Variants in CNTRL observed in about 807,000 individuals in gnomAD.
CNTRL encodes the protein centriolin.
In CNTRL, 233 loss-of-function variants were observed where a neutral mutation model predicts 303.7. That is an observed-to-expected ratio of 0.77 (90% CI 0.69 to 0.86). The LOEUF is 0.86. Ranked by LOEUF, CNTRL falls within the 40% of genes least tolerant of loss-of-function variation. The pLI is 0.00. For synonymous variants in CNTRL, 900 were observed against 922.2 expected, an observed-to-expected ratio of 0.98 and a Z score of 0.44; for missense variants, 2,524 against 2,650.6, an observed-to-expected ratio of 0.95 and a Z score of 1.05.
chr9:121,168,220 A>G lies in CNTRL; in HGVS notation c.5969A>G (p.Asp1990Gly), dbSNP rs759530268. ...KELTDQKSKLDQVLSKVLAAE... is the reference protein window; with the variant it reads ...KELTDQKSKLGQVLSKVLAAE... ...TTAACAGACCAGAAAAGCAAACTGG[A>G]CCAAGTGCTCTCAAAGGTGCTGGCA... The change falls in exon 38 of 44, where the codon GAC (aspartate) becomes GGC (glycine). Residue 1990 changes from aspartate to glycine, a missense_variant. Coordinates refer to ENST00000373855, the MANE Select transcript of CNTRL (RefSeq NM_007018.6). 3 of 1,614,064 alleles carry G rather than the reference A, an allele frequency of 1.9e-6. No individual in the cohort carries two copies. In the Admixed American group the frequency reaches 5.0e-5, roughly 27 times the overall value.
At chr9:121,078,282 C>T (rs1448227019) in intron 1 of CNTRL, among the ~76,000 whole-genome samples, 4 of 152,134 alleles carry the variant, frequency 2.6e-5, no homozygotes, top group Non-Finnish European at 5.9e-5. Flanking sequence ...GTGCTGTGCA[C>T]CTGTAATCCC....
Position 121,167,539 on chromosome 9 carries a change from C to T in CNTRL, c.5706C>T (p.Thr1902=). Residue 1902 remains threonine, a synonymous_variant, in exon 37 of 44, where the codon ACC becomes ACT. Coordinates refer to ENST00000373855, the MANE Select transcript of CNTRL (RefSeq NM_007018.6). ...AGGATGTGTTGCTCAGTGAGCAGACCCGACTCCAGAAGGACATCAGTGAAT... is the reference window on the plus strand; with the variant it reads ...AGGATGTGTTGCTCAGTGAGCAGACTCGACTCCAGAAGGACATCAGTGAAT... ...KHQDVLLSEQ[T]RLQKDISEWA... is the part of the protein sequence containing the mutation. The T allele has an allele frequency of 6.2e-7, 1 of 1,613,954 alleles. No individual in the cohort carries two copies. Among genetic ancestry groups the T allele is most frequent in the Non-Finnish European group, 8.5e-7 (1 of 1,179,984 alleles).
At position 121,139,805 on chromosome 9, in the gene CNTRL, A is replaced by G. The variant is rs547183932; in HGVS notation, c.2338-836A>G. ...CTGGAATATTTTAAAGAAAAATTTC[A>G]TACATCTTTCTTTCACCTGCAAATA... On this transcript the variant is annotated intron_variant, in intron 16 of 43. Coordinates refer to ENST00000373855, the MANE Select transcript of CNTRL (RefSeq NM_007018.6). Among the ~76,000 whole-genome samples the G allele has an allele frequency of 2.6e-5, 4 of 152,354 alleles. No homozygotes were observed. The South Asian group carries it at 8.3e-4, about 32-fold the overall frequency.
intron 3 of CNTRL, 113 bp from the exon 4 acceptor site, chr9:121,090,162 T>G: frequency 1.3e-6 from 1 of 749,166 alleles, no homozygotes; most frequent in Non-Finnish European, 2.0e-6. Flanking sequence ...GCCAGCTTTT[T>G]TGGTATATTC....
chr9:121,152,296 T>G, intron 25 of CNTRL, 189 bp from the exon 26 acceptor site: 1 of 579,300 alleles, frequency 1.7e-6, no homozygotes, highest in Non-Finnish European at 3.1e-6. Flanking sequence ...GTTTGAAAAA[T>G]TAAAGGTTCT....
chr9:121,156,778 A>G (rs902548715), intron 27 of CNTRL, among the ~76,000 whole-genome samples: 4 of 152,208 alleles, frequency 2.6e-5, no homozygotes, highest in African/African-American at 9.6e-5. Flanking sequence ...TGTTTTTACC[A>G]AATCTTATAT....
intron 11 of CNTRL, 84 bp downstream of exon 11, chr9:121,115,284 A>G: frequency 1.5e-6 from 1 of 681,254 alleles, no homozygotes; most frequent in Non-Finnish European, 2.4e-6. Context: ...AAACAATTTA[A>G]AAAGCAGTTA....
intron 20 of CNTRL, 59 bp from the exon 21 acceptor site, chr9:121,144,784 A>G: frequency 7.7e-7 from 1 of 1,301,034 alleles, no homozygotes; most frequent in Non-Finnish European, 1.1e-6. Flanking sequence ...CAAGAGGAAG[A>G]AATGAAGAAG....
Position 121,125,866 on chromosome 9 carries a change from G to C in CNTRL, c.1955G>C (p.Arg652Thr). 6.2e-7 allele frequency: 1 copy of C among 1,614,224 alleles called. No individual in the cohort carries two copies. The highest frequency in any genetic ancestry group is 1.3e-5 in the African/African-American group (1 of 75,060). The change falls in exon 14 of 44, where the codon AGA becomes ACA. Residue 652 changes from arginine (R) to threonine (T), a missense_variant. Coordinates refer to ENST00000373855, the MANE Select transcript of CNTRL (RefSeq NM_007018.6). Reference sequence around the variant, plus strand: ...GATGAGAAAGAGACATTGTTGCAGAGATTGACAGAAGTCGAGCAGGAGAGA... The same window carrying C: ...GATGAGAAAGAGACATTGTTGCAGACATTGACAGAAGTCGAGCAGGAGAGA... Reference protein sequence around the residue: ...LRDEKETLLQRLTEVEQERDQ... With the variant: ...LRDEKETLLQTLTEVEQERDQ...
chr9:121,084,243 G>T (rs927409364), intron 2 of CNTRL, among the ~76,000 whole-genome samples: 1 of 152,004 alleles, frequency 6.6e-6, no homozygotes, highest in African/African-American at 2.4e-5. Flanking sequence ...TATAATTTTT[G>T]TACTGTTTTT....
At chr9:121,103,866 C>A (rs1330431498) in intron 7 of CNTRL, among the ~76,000 whole-genome samples, 1 of 152,050 alleles carries the variant, frequency 6.6e-6, no homozygotes, top group Non-Finnish European at 1.5e-5. Flanking sequence ...CATTAAAAAG[C>A]CAGGAAACAA....
chr9:121,127,710 A>G (rs1588179810), intron 14 of CNTRL, among the ~76,000 whole-genome samples: 1 of 151,994 alleles, frequency 6.6e-6, no homozygotes, highest in East Asian at 1.9e-4. Flanking sequence ...TTTGTTACAT[A>G]GGTATACATG....
intron 11 of CNTRL, among the ~76,000 whole-genome samples, chr9:121,117,318 G>A (rs367880682): frequency 4.6e-5 from 7 of 152,158 alleles, no homozygotes; most frequent in East Asian, 1.9e-4. Flanking sequence ...CATAATAATC[G>A]TCCATATTTT....
chr9:121,151,729 T>G (rs2052275622), intron 25 of CNTRL, among the ~76,000 whole-genome samples: 1 of 152,146 alleles, frequency 6.6e-6, no homozygotes, highest in Non-Finnish European at 1.5e-5. Context: ...TCTAAAGAAA[T>G]AAAATGGAAT....
intron 39 of CNTRL, 92 bp downstream of exon 39, chr9:121,169,908 C>T: frequency 2.0e-6 from 2 of 1,013,164 alleles, no homozygotes; most frequent in African/African-American, 1.6e-5. Context: ...AAATAAATTA[C>T]CCATCAACCC....
At chr9:121,139,023 T>C (rs1056583822) in intron 16 of CNTRL, among the ~76,000 whole-genome samples, 3 of 152,220 alleles carry the variant, frequency 2.0e-5, no homozygotes, top group Non-Finnish European at 4.4e-5. Flanking sequence ...ATCAGATTGG[T>C]GCATCCTCTT....
chr9:121,172,605 CCCTCCAGCCTGGGTGACAGAGCAA>C (rs2053358543), intron 40 of CNTRL, among the ~76,000 whole-genome samples: 1 of 152,072 alleles, frequency 6.6e-6, no homozygotes, highest in South Asian at 2.1e-4. Flanking sequence ...TGTGCCACCG[CCCTCCAGCCTGGGTGACAGAGCAA>C]GACCCTGTCT....
intron 12 of CNTRL, among the ~76,000 whole-genome samples, chr9:121,119,229 A>G (rs1003166156): frequency 6.6e-6 from 1 of 150,796 alleles, no homozygotes; most frequent in East Asian, 1.9e-4. Context: ...GTTGAATTTC[A>G]TTGTATTGCA....
intron 27 of CNTRL, 29 bp from the exon 28 acceptor site, chr9:121,157,441 A>G: frequency 1.2e-6 from 2 of 1,607,222 alleles, no homozygotes; most frequent in Non-Finnish European, 1.7e-6. Flanking sequence ...TTGTAACTGA[A>G]TGGCTTTTAA....
Sources: gnomAD v4.1 joint callset for allele counts (sites outside exome capture counted in the v4.1 genomes callset) on GRCh38, gnomAD v4.1.1 for gene constraint, MANE v1.5 for transcripts, NCBI Gene and HGNC (gene_info 2026-07-23, HGNC 2026-07-21) for gene names.